The following COL4A1 variants were observed in gnomAD, a reference collection of about 807,000 sequenced individuals.
The protein encoded by COL4A1 is collagen alpha-1(IV) chain.
A neutral mutation model predicts 216.6 loss-of-function variants in COL4A1; 40 were observed. The observed-to-expected ratio is 0.18, with a 90% CI of 0.14 to 0.24. COL4A1 has a LOEUF of 0.24. Among genes scored for constraint, COL4A1 ranks in the 10% least tolerant of loss-of-function variants. The pLI is 1.00. For synonymous variants in COL4A1, 839 were observed against 810.7 expected, an observed-to-expected ratio of 1.03 and a Z score of -0.59; for missense variants, 1,628 against 2,196.8, an observed-to-expected ratio of 0.74 and a Z score of 5.18.
intron 1 of COL4A1, among the ~76,000 whole-genome samples, chr13:110,285,250 G>T (rs908231614): frequency 6.6e-6 from 1 of 152,184 alleles, no homozygotes; most frequent in African/African-American, 2.4e-5. Context: ...TTCCAAAAAC[G>T]TGAATCTACA....
At chr13:110,184,464 G>A (rs1186050252) in intron 26 of COL4A1, among the ~76,000 whole-genome samples, 1 of 152,084 alleles carries the variant, frequency 6.6e-6, no homozygotes, top group Non-Finnish European at 1.5e-5. Context: ...CATCAAACCC[G>A]GTATCCCCTA....
chr13:110,205,211 C>G, intron 17 of COL4A1, 142 bp downstream of exon 17: 1 of 942,088 alleles, frequency 1.1e-6, no homozygotes, highest in South Asian at 1.5e-5. Context: ...AAGGAAACCA[C>G]TAAATTGTGT....
intron 8 of COL4A1, 106 bp from the exon 9 acceptor site, chr13:110,210,318 T>A: frequency 9.3e-7 from 1 of 1,077,048 alleles, no homozygotes; most frequent in Non-Finnish European, 1.4e-6. Flanking sequence ...AGGACTAGCC[T>A]AAGTCTGGGA....
At chr13:110,168,397 C>T (rs1877443426) in intron 43 of COL4A1, among the ~76,000 whole-genome samples, 1 of 152,198 alleles carries the variant, frequency 6.6e-6, no homozygotes, top group Admixed American at 6.5e-5. Context: ...GCTTACATTA[C>T]TGGAAAACTG....
At chr13:110,263,722 T>C (rs898939815) in intron 1 of COL4A1, among the ~76,000 whole-genome samples, 4 of 152,230 alleles carry the variant, frequency 2.6e-5, no homozygotes, top group African/African-American at 7.2e-5. Flanking sequence ...TCACCAATTA[T>C]ATATTAAATG....
chr13:110,250,807 G>T (rs886864624), intron 1 of COL4A1, among the ~76,000 whole-genome samples: 1 of 152,194 alleles, frequency 6.6e-6, no homozygotes, highest in Non-Finnish European at 1.5e-5. Flanking sequence ...GTGGGGCAAG[G>T]CCAGTGCGTC....
chr13:110,253,870 GTATA>G, intron 1 of COL4A1, among the ~76,000 whole-genome samples: 1 of 149,946 alleles, frequency 6.7e-6, no homozygotes, highest in East Asian at 2.0e-4. Context: ...ATGTGTGTGT[GTATA>G]TATATAAAGT....
chr13:110,264,583 T>C (rs1275109368), intron 1 of COL4A1, among the ~76,000 whole-genome samples: 1 of 152,238 alleles, frequency 6.6e-6, no homozygotes, highest in Non-Finnish European at 1.5e-5. Context: ...CTTCAGAATC[T>C]ACCAAAGAAT....
chr13:110,270,820 A>G (rs1475782587), intron 1 of COL4A1, among the ~76,000 whole-genome samples: 1 of 152,164 alleles, frequency 6.6e-6, no homozygotes, highest in East Asian at 1.9e-4. Context: ...CACAGTAGCA[A>G]TGGGCATGCC....
At chr13:110,175,082 G>T (rs758813545) in intron 37 of COL4A1, 136 bp downstream of exon 37, 9 of 1,108,714 alleles carry the variant, frequency 8.1e-6, no homozygotes, top group Non-Finnish European at 1.2e-5. Context: ...GGAAGGAGAG[G>T]CGACTTGTGC....
intron 2 of COL4A1, among the ~76,000 whole-genome samples, chr13:110,219,116 C>A (rs1372030532): frequency 6.6e-6 from 1 of 152,190 alleles, no homozygotes; most frequent in African/African-American, 2.4e-5. Context: ...TGTGGCGAGG[C>A]CCCGCCGGGA....
chr13:110,297,782 A>G (rs1224140203), intron 1 of COL4A1, among the ~76,000 whole-genome samples: 1 of 152,174 alleles, frequency 6.6e-6, no homozygotes, highest in African/African-American at 2.4e-5. Flanking sequence ...CCACCTGCAT[A>G]TTTCCTAATT....
chr13:110,201,537 A>T lies in COL4A1; in HGVS notation c.1000-15T>A, dbSNP rs1879241093. The T allele has an allele frequency of 6.2e-7, 1 of 1,610,264 alleles. No individual in the cohort carries two copies. The highest frequency in any genetic ancestry group is 2.2e-5 in the East Asian group (1 of 44,868). ...GTGCCTATAACCTGAATCGAGAAGG[A>T]AAAGGTGATCATCCCGTGGCATGGG... On this transcript the variant is annotated splice_polypyrimidine_tract_variant and intron_variant, in intron 18 of 51. Coordinates refer to ENST00000375820, the MANE Select transcript of COL4A1 (RefSeq NM_001845.6).
chr13:110,219,820 A>G (rs1192194), intron 2 of COL4A1, among the ~76,000 whole-genome samples: 19 of 104,366 alleles, frequency 1.8e-4, no homozygotes, highest in Admixed American at 5.5e-4. Flanking sequence ...GTATATATGT[A>G]TATATATGTA....
chr13:110,208,046 A>C (rs1248240283), intron 12 of COL4A1, among the ~76,000 whole-genome samples: 8 of 152,240 alleles, frequency 5.3e-5, no homozygotes, highest in Non-Finnish European at 1.0e-4. Flanking sequence ...AGATCCATCC[A>C]GGCCCCACTG....
At position 110,211,310 on chromosome 13, in the gene COL4A1, C is replaced by T. The variant is rs1879785202; in HGVS notation, c.468+337G>A. Among the ~76,000 whole-genome samples the T allele has an allele frequency of 6.6e-6, 1 of 152,198 alleles. No homozygotes were observed. On this transcript the variant is annotated intron_variant, in intron 8 of 51. Coordinates refer to ENST00000375820, the MANE Select transcript of COL4A1 (RefSeq NM_001845.6). This position sits in a 1 kb window ranked among gnomAD's most constrained non-coding sequence, Gnocchi z 4.3. ...CAACACCCCGCCTGGGAAAAGCTGCCCCAGGTTCCCTCCTGGGAAGTCTGA... is the reference window on the plus strand; with the variant it reads ...CAACACCCCGCCTGGGAAAAGCTGCTCCAGGTTCCCTCCTGGGAAGTCTGA...
At chr13:110,285,426 C>T (rs1294422220) in intron 1 of COL4A1, among the ~76,000 whole-genome samples, 1 of 152,166 alleles carries the variant, frequency 6.6e-6, no homozygotes, top group East Asian at 1.9e-4. Flanking sequence ...CCTTAGTAAG[C>T]GTCTGTCTTC....
intron 20 of COL4A1, among the ~76,000 whole-genome samples, chr13:110,200,011 A>AG (rs1443847355): frequency 5.3e-5 from 8 of 152,204 alleles, no homozygotes; most frequent in African/African-American, 1.9e-4. Flanking sequence ...AAAGGAAAAA[A>AG]GGGGGCTCTG....
intron 1 of COL4A1, among the ~76,000 whole-genome samples, chr13:110,247,793 GT>G (rs1881888521): frequency 5.0e-5 from 2 of 40,342 alleles, no homozygotes; most frequent in South Asian, 2.6e-3. Flanking sequence ...TGCTACTCGT[GT>G]GTGTGTGTGT....
Sources: allele counts gnomAD v4.1 joint callset (sites outside exome capture counted in the v4.1 genomes callset), GRCh38; gene constraint gnomAD v4.1.1; non-coding constraint Gnocchi (gnomAD v3.1); transcripts MANE v1.5; gene names NCBI Gene and HGNC (gene_info 2026-07-23, HGNC 2026-07-21).